MAL: variants seen among roughly 807,000 people sequenced by gnomAD.
MAL encodes the protein mal, T cell differentiation protein (MAL blood group), also known as myelin and lymphocyte protein.
In MAL, 5 loss-of-function variants were observed where a neutral mutation model predicts 16.7. The ratio of observed to expected loss-of-function variants is 0.30; its 90% CI spans 0.16 to 0.63. The LOEUF (loss-of-function observed/expected upper bound fraction) is 0.63. Among genes scored for constraint, MAL ranks in the 30% least tolerant of loss-of-function variants. MAL has a pLI of 0.82. For synonymous variants in MAL, 96 were observed against 85.5 expected, an observed-to-expected ratio of 1.12 and a Z score of -0.67; for missense variants, 202 against 195.8, an observed-to-expected ratio of 1.03 and a Z score of -0.19.
At chr2:95,035,254 A>G (rs1210779200) in intron 1 of MAL, among the ~76,000 whole-genome samples, 1 of 152,126 alleles carries the variant, frequency 6.6e-6, no homozygotes, top group Non-Finnish European at 1.5e-5. Context: ...TTTTTCTTGC[A>G]TTTAAGCCAC....
At chr2:95,039,574 CAGTGACTGAGTGGGTGGGTG>C (rs1428288772) in intron 1 of MAL, among the ~76,000 whole-genome samples, 1 of 110,242 alleles carries the variant, frequency 9.1e-6, no homozygotes, top group African/African-American at 3.6e-5. Flanking sequence ...CTGAGTGAGT[CAGTGACTGAGTGGGTGGGTG>C]AGTGACTGAG....
chr2:95,044,757 C>G (rs1353954547), intron 1 of MAL: 3 of 152,268 alleles, frequency 2.0e-5, no homozygotes, highest in African/African-American at 7.2e-5. Flanking sequence ...CAGAGTCTGG[C>G]CTGACCTCAA....
In MAL at chr2:95,042,165, C is replaced by T. The variant is rs141986969; in HGVS notation, c.94-5794C>T. Among the ~76,000 whole-genome samples, 950 of 152,240 alleles carry T rather than the reference C, an allele frequency of 6.2e-3. 6 individuals are homozygous for T. The highest frequency in any genetic ancestry group is 0.037 in the South Asian group (177 of 4,824). On this transcript the variant is annotated intron_variant, in intron 1 of 3. Transcript: ENST00000309988. Reference sequence around the variant, plus strand: ...GGGGAAAGGAGAGGAAACACTAGGGCGACATTTTGCACTGAGAGGCTGGGC... The same window carrying T: ...GGGGAAAGGAGAGGAAACACTAGGGTGACATTTTGCACTGAGAGGCTGGGC...
chr2:95,027,053 C>A (rs1673959619), intron 1 of MAL, among the ~76,000 whole-genome samples: 1 of 152,074 alleles, frequency 6.6e-6, no homozygotes, highest in Non-Finnish European at 1.5e-5. Flanking sequence ...TGGGTGGAAC[C>A]GGTGACTTGA....
At chr2:95,029,927 G>A (rs1182006511) in intron 1 of MAL, among the ~76,000 whole-genome samples, 2 of 152,206 alleles carry the variant, frequency 1.3e-5, no homozygotes, top group Non-Finnish European at 2.9e-5. Flanking sequence ...ATAATTTTCT[G>A]CTAGTCCAAT....
chr2:95,029,040 GA>G (rs1338944540), intron 1 of MAL, among the ~76,000 whole-genome samples: 1 of 152,200 alleles, frequency 6.6e-6, no homozygotes, highest in African/African-American at 2.4e-5. Flanking sequence ...TTGGTTTGAT[GA>G]TATGTGAATT....
intron 1 of MAL, among the ~76,000 whole-genome samples, chr2:95,039,848 G>A (rs1449966838): frequency 6.6e-6 from 1 of 152,100 alleles, no homozygotes; most frequent in Non-Finnish European, 1.5e-5. Flanking sequence ...CACAAATAAA[G>A]AAGCCAAACG....
At chr2:95,049,735 A>C in intron 3 of MAL, 29 bp downstream of exon 3, 9 of 1,613,258 alleles carry the variant, frequency 5.6e-6, no homozygotes, top group Non-Finnish European at 7.6e-6. Context: ...GGCTGTGTCC[A>C]CAGCGGGCGG....
chr2:95,043,241 C>G (rs1674510415), intron 1 of MAL, among the ~76,000 whole-genome samples: 1 of 152,262 alleles, frequency 6.6e-6, no homozygotes, highest in African/African-American at 2.4e-5. Context: ...GCTCTGCCCA[C>G]TCGGGGCTGG....
At chr2:95,046,856 A>AGAGAGAGAGAAAGAGAAAGGGAGG (rs1674596814) in intron 1 of MAL, among the ~76,000 whole-genome samples, 1 of 151,462 alleles carries the variant, frequency 6.6e-6, no homozygotes, top group Non-Finnish European at 1.5e-5. Flanking sequence ...AGAAAGGGAG[A>AGAGAGAGAGAAAGAGAAAGGGAGG]GAGAGAGAGA....
chr2:95,036,202 G>A (rs1674200636), intron 1 of MAL, among the ~76,000 whole-genome samples: 1 of 152,168 alleles, frequency 6.6e-6, no homozygotes, highest in African/African-American at 2.4e-5. Context: ...CCCGCTCCCA[G>A]GGTTCTCTTT....
chr2:95,047,719 GA>G (rs1198977044), intron 1 of MAL, among the ~76,000 whole-genome samples: 4 of 152,098 alleles, frequency 2.6e-5, no homozygotes, highest in East Asian at 3.9e-4. Context: ...TCTGTCTCAA[GA>G]AAAAAAAGTT....
intron 1 of MAL, among the ~76,000 whole-genome samples, chr2:95,039,280 C>CTGAG (rs1016213498): frequency 1.7e-5 from 1 of 59,678 alleles, no homozygotes; most frequent in African/African-American, 6.9e-5. Flanking sequence ...GGGTGAGTGA[C>CTGAG]TGAGTGAGTG....
At chr2:95,034,985 G>A (rs3113002) in intron 1 of MAL, among the ~76,000 whole-genome samples, 112,258 of 152,124 alleles carry the variant, frequency 0.74, 41,918 homozygotes, top group African/African-American at 0.82. Context: ...AGCAAGCATC[G>A]GTAGGGAAGG....
At position 95,052,728 on chromosome 2, in the gene MAL, A is replaced by G. The variant is rs541858670; in HGVS notation, c.388-653A>G. Among the ~76,000 whole-genome samples the G allele has an allele frequency of 4.2e-4, 64 of 152,296 alleles. 2 individuals are homozygous for G. In the South Asian group the frequency reaches 0.011, roughly 26 times the overall value. ...CAGCAAGTCCCCAGAAAGCAGGGCC[A>G]TCGCTCCAAGGGCCACAGTGGCTGA... On this transcript the variant is annotated intron_variant, in intron 3 of 3. Coordinates refer to ENST00000309988, the MANE Select transcript of MAL (RefSeq NM_002371.4).
At chr2:95,036,641 G>A (rs1301097072) in intron 1 of MAL, among the ~76,000 whole-genome samples, 1 of 152,264 alleles carries the variant, frequency 6.6e-6, no homozygotes, top group Admixed American at 6.5e-5. Context: ...AAGTGAGTGA[G>A]TCAGTGAGTG....
In MAL at chr2:95,025,934, C is replaced by A; in HGVS notation, c.93+49C>A. 1 of 1,460,324 alleles carries A rather than the reference C, an allele frequency of 6.8e-7. No homozygotes were observed. Among genetic ancestry groups the A allele is most frequent in the Non-Finnish European group, 9.2e-7 (1 of 1,081,362 alleles). The allele number at this position is 1,460,324 out of a possible 1,614,324, so 90.5% of individuals were successfully genotyped here. A position where few individuals can be genotyped will look rare whatever the true frequency, so the allele number is the denominator to read the frequency against. On this transcript the variant is annotated intron_variant, in intron 1 of 3. Coordinates refer to ENST00000309988, the MANE Select transcript of MAL (RefSeq NM_002371.4). This position sits in a 1 kb window ranked among gnomAD's most constrained non-coding sequence, Gnocchi z 5.6. ...GGGACGGGGTGGGCTGAGCCGTGCG[C>A]TCTCTCGGGCGCCCAGCACAGCTGT...
intron 1 of MAL, among the ~76,000 whole-genome samples, chr2:95,036,608 A>G (rs989975154): frequency 3.9e-5 from 6 of 152,258 alleles, no homozygotes; most frequent in African/African-American, 1.4e-4. Context: ...TAAATGCGTG[A>G]GTGAATGAAT....
At chr2:95,041,342 G>T (rs1674460029) in intron 1 of MAL, among the ~76,000 whole-genome samples, 1 of 152,108 alleles carries the variant, frequency 6.6e-6, no homozygotes, top group Non-Finnish European at 1.5e-5. Flanking sequence ...TCAACTTTTG[G>T]TTTCTGGAGA....
Sources: allele counts gnomAD v4.1 joint callset (sites outside exome capture counted in the v4.1 genomes callset), GRCh38; gene constraint gnomAD v4.1.1; non-coding constraint Gnocchi (gnomAD v3.1); transcripts MANE v1.5; gene names NCBI Gene and HGNC (gene_info 2026-07-23, HGNC 2026-07-21).